CCNK: variants seen among roughly 807,000 people sequenced by gnomAD.
CCNK encodes the protein cyclin-K.
Under a neutral mutation model 65.0 loss-of-function variants are expected in CCNK, and 9 were observed. That is an observed-to-expected ratio of 0.14 (90% CI 0.08 to 0.24). CCNK has a LOEUF of 0.24. Among genes scored for constraint, CCNK ranks in the 10% least tolerant of loss-of-function variants. The pLI is 1.00. For missense variants in CCNK, 474 were observed against 720.0 expected (o/e 0.66, Z 3.91); for synonymous variants, 279 against 270.8 (o/e 1.03, Z -0.30).
intron 1 of CCNK, among the ~76,000 whole-genome samples, chr14:99,483,499 G>C (rs765340913): frequency 6.6e-5 from 10 of 152,210 alleles, no homozygotes; most frequent in Non-Finnish European, 1.2e-4. Flanking sequence ...GCAGTGAGCC[G>C]TGATCGGGTG....
At chr14:99,484,284 A>G (rs1369168158) in intron 1 of CCNK, among the ~76,000 whole-genome samples, 4 of 152,268 alleles carry the variant, frequency 2.6e-5, no homozygotes, top group Non-Finnish European at 5.9e-5. Context: ...TTGTGAGGAT[A>G]AGAAAACTAG....
chr14:99,506,846 T>A, intron 9 of CCNK: 1 of 503,448 alleles, frequency 2.0e-6, no homozygotes, highest in Non-Finnish European at 3.6e-6. Context: ...ACATGGAAAA[T>A]GGGCTGCCTG....
intron 4 of CCNK, among the ~76,000 whole-genome samples, chr14:99,497,483 T>C (rs150506984): frequency 1.5e-3 from 231 of 152,308 alleles, no homozygotes; most frequent in Non-Finnish European, 2.6e-3. Flanking sequence ...GCAAAGACTA[T>C]CTGTTTTGTC....
intron 1 of CCNK, among the ~76,000 whole-genome samples, chr14:99,488,756 T>C (rs1295208704): frequency 6.6e-6 from 1 of 152,210 alleles, no homozygotes; most frequent in Admixed American, 6.5e-5. Flanking sequence ...TCAGTAGTTA[T>C]CAGTGCTAGC....
At position 99,495,269 on chromosome 14, in the gene CCNK, CTT is replaced by C. The variant is rs952804113; in HGVS notation, c.280-221_280-220del. 6 of 258,762 alleles carry C rather than the reference CTT, an allele frequency of 2.3e-5. No homozygotes were observed. The East Asian group carries it at 4.4e-4, about 19-fold the overall frequency. The allele number at this position is 258,762 out of a possible 1,614,324, so 16.0% of individuals were successfully genotyped here. A position where few individuals can be genotyped will look rare whatever the true frequency, so the allele number is the denominator to read the frequency against. ...TTTGGCATTTTCTTTGTTTACATGACTTTTTTTTTAAGAAAGTTAAATTTTAA... is the reference window on the plus strand; with the variant it reads ...TTTGGCATTTTCTTTGTTTACATGACTTTTTTTAAGAAAGTTAAATTTTAA... On this transcript the variant is annotated intron_variant, in intron 3 of 10. Coordinates refer to ENST00000389879, the MANE Select transcript of CCNK (RefSeq NM_001099402.2).
intron 3 of CCNK, chr14:99,494,791 A>C (rs1896665622): frequency 2.0e-5 from 3 of 152,310 alleles, no homozygotes; most frequent in Admixed American, 6.5e-5. Context: ...ACAGTTGTAG[A>C]GACTGGGAGG....
intron 1 of CCNK, among the ~76,000 whole-genome samples, chr14:99,488,168 A>G (rs1896530911): frequency 6.6e-6 from 1 of 152,086 alleles, no homozygotes; most frequent in South Asian, 2.1e-4. Flanking sequence ...TAATCACAAT[A>G]TCATTATTAC....
At chr14:99,504,072 G>A in intron 9 of CCNK, 1 of 383,898 alleles carries the variant, frequency 2.6e-6, no homozygotes, top group Non-Finnish European at 5.2e-6. Context: ...AGCTGCCCTT[G>A]CAGGCAAGGC....
At chr14:99,489,120 G>C (rs1005235281) in intron 1 of CCNK, among the ~76,000 whole-genome samples, 1 of 151,846 alleles carries the variant, frequency 6.6e-6, no homozygotes, top group African/African-American at 2.4e-5. Flanking sequence ...GGACAGAAAT[G>C]GGATACATAT....
At chr14:99,503,207 C>T in intron 8 of CCNK, 1 of 691,394 alleles carries the variant, frequency 1.4e-6, no homozygotes, top group Non-Finnish European at 2.6e-6. Context: ...CCGGCTCCAG[C>T]CCTGCTGCCT....
chr14:99,510,722 C>A lies in CCNK; in HGVS notation c.1683C>A (p.Pro561=). ...GAGGACAGCCTCCTGTGCCCCCGCC[C>A]ATTCCCCCACCCGGCATGCCTCCAG... ...PPGGQPPVPP[P]IPPPGMPPVG... Residue 561 remains proline (P), a synonymous_variant, in exon 11 of 11, where the codon CCC becomes CCA. Coordinates refer to ENST00000389879, the MANE Select transcript of CCNK (RefSeq NM_001099402.2). The A allele has an allele frequency of 7.0e-7, 1 of 1,433,400 alleles. No individual in the cohort carries two copies. The highest frequency in any genetic ancestry group is 2.6e-5 in the East Asian group (1 of 38,368). 88.8% of individuals were successfully genotyped at this position (1,433,400 alleles called of 1,614,324 possible). A position where few individuals can be genotyped will look rare whatever the true frequency, so the allele number is the denominator to read the frequency against.
At chr14:99,498,371 C>T (rs1896746233) in intron 4 of CCNK, among the ~76,000 whole-genome samples, 1 of 152,162 alleles carries the variant, frequency 6.6e-6, no homozygotes, top group Admixed American at 6.5e-5. Flanking sequence ...CTATCTCGCG[C>T]AGTCTTCCCT....
chr14:99,510,763 G>A lies in CCNK; in HGVS notation c.1724G>A (p.Arg575Gln), dbSNP rs762366193. ...ATGCCTCCAGTTGGGGGGCTGGGGC[G>A]GGCAGCCTGGATGAGATAACGTGAG... Reference protein sequence around the residue: ...PGMPPVGGLGRAAWMR With the variant: ...PGMPPVGGLGQAAWMR Residue 575 changes from arginine to glutamine, a missense_variant, in exon 11 of 11, where the codon CGG becomes CAG. This residue lies in a region of CCNK where 53 missense variants were observed against 91.4 expected (regional missense o/e 0.58). Transcript: ENST00000389879. 3 of 1,463,770 alleles carry A rather than the reference G, an allele frequency of 2.0e-6. No homozygotes were observed. The highest frequency in any genetic ancestry group is 2.7e-6 in the Non-Finnish European group (3 of 1,109,378). The allele number at this position is 1,463,770 out of a possible 1,614,324, so 90.7% of individuals were successfully genotyped here.
intron 1 of CCNK, among the ~76,000 whole-genome samples, chr14:99,490,483 G>A (rs545038538): frequency 4.2e-4 from 64 of 152,226 alleles, no homozygotes; most frequent in African/African-American, 1.5e-3. Context: ...TTCTGTAAAC[G>A]TACAATTAGT....
At chr14:99,496,448 C>G (rs1255965465) in intron 4 of CCNK, among the ~76,000 whole-genome samples, 1 of 152,126 alleles carries the variant, frequency 6.6e-6, no homozygotes, top group Non-Finnish European at 1.5e-5. Context: ...TGGTGGCTCA[C>G]GCCTGTAATC....
At chr14:99,503,549 C>A in intron 8 of CCNK, 62 bp from the exon 9 acceptor site, 1 of 1,411,294 alleles carries the variant, frequency 7.1e-7, no homozygotes, top group South Asian at 1.3e-5. Flanking sequence ...CCTGGATAAT[C>A]CATTTTTTTC....
chr14:99,501,622 T>A, intron 6 of CCNK: 2 of 539,746 alleles, frequency 3.7e-6, no homozygotes, highest in Non-Finnish European at 3.3e-6. Flanking sequence ...CATGGTGTTG[T>A]GAGGTGCTGA....
intron 5 of CCNK, chr14:99,501,077 A>G (rs1262455051): frequency 1.7e-6 from 1 of 602,124 alleles, no homozygotes; most frequent in Admixed American, 3.2e-5. Context: ...CCAGTTGCCA[A>G]GTGATGGGAG....
intron 9 of CCNK, 156 bp downstream of exon 9, chr14:99,503,800 A>G (rs1454436401): frequency 4.8e-6 from 3 of 624,278 alleles, no homozygotes; most frequent in Middle Eastern, 4.3e-4. Flanking sequence ...CTTTCTGTTC[A>G]TCACCTGATC....
Sources: gnomAD v4.1 joint callset for allele counts (sites outside exome capture counted in the v4.1 genomes callset) on GRCh38, gnomAD v4.1.1 for gene constraint, gnomAD v4.1.1 regional missense constraint, MANE v1.5 for transcripts, NCBI Gene and HGNC (gene_info 2026-07-23, HGNC 2026-07-21) for gene names.